Variants in PPP1R42 observed in about 807,000 individuals in gnomAD.
The protein encoded by PPP1R42 is leucine rich repeat containing 67.
PPP1R42 carries 34 observed loss-of-function variants against 31.0 expected under a neutral mutation model. That is an observed-to-expected ratio of 1.10 (90% confidence interval 0.83 to 1.46). PPP1R42 has a LOEUF of 1.46. PPP1R42 is among the 40% of genes most tolerant of loss of function. The probability of loss-of-function intolerance (pLI) is 0.00; values close to 1 mark genes in which losing one functional copy is unlikely to be tolerated. For synonymous variants in PPP1R42, 103 were observed against 109.8 expected, an observed-to-expected ratio of 0.94 and a Z score of 0.39; for missense variants, 268 against 303.0, an observed-to-expected ratio of 0.88 and a Z score of 0.86.
chr8:66,993,701 G>A (rs1007273167), intron 5 of PPP1R42, among the ~76,000 whole-genome samples: 3 of 152,160 alleles, frequency 2.0e-5, no homozygotes, highest in Non-Finnish European at 4.4e-5. Context: ...ATGACTATGT[G>A]CTTAATGTTT....
chr8:66,999,753 T>TG (rs1815430856), intron 5 of PPP1R42, among the ~76,000 whole-genome samples: 1 of 152,238 alleles, frequency 6.6e-6, no homozygotes, highest in Non-Finnish European at 1.5e-5. Context: ...TGGAGTTCTC[T>TG]TTGCGGTGAG....
Position 67,010,754 on chromosome 8 carries a change from A to T in PPP1R42, c.513T>A (p.Asn171Lys). The change falls in exon 5 of 8, where the codon AAT becomes AAA. Residue 171 changes from asparagine (N) to lysine (K), a missense_variant. Asn to Lys is a moderately conservative substitution (Grantham distance 94, BLOSUM62 0). Coordinates refer to ENST00000685739, the MANE Select transcript of PPP1R42 (RefSeq NM_001364910.1). ...GTTGGTTGTCAACGGCTATGAGCTG[A>T]TTAAGATTCTCTAGTAGTTCTAAGT... ...ITDLELLENL[N>K]QLIAVDNQLL... 19 of 1,608,442 alleles carry T rather than the reference A, an allele frequency of 1.2e-5. No homozygotes were observed. The highest frequency in any genetic ancestry group is 1.5e-5 in the Non-Finnish European group (18 of 1,177,472).
intron 6 of PPP1R42, chr8:66,985,532 A>G: frequency 7.8e-7 from 1 of 1,278,882 alleles, no homozygotes; most frequent in Non-Finnish European, 1.1e-6. Context: ...TGGAGATTAG[A>G]CGGGCCCACC....
chr8:66,984,547 C>G, intron 6 of PPP1R42: 1 of 1,242,830 alleles, frequency 8.0e-7, no homozygotes, highest in Non-Finnish European at 1.2e-6. Flanking sequence ...CTAACTCCAT[C>G]TCAATCTTGA....
At chr8:67,022,496 T>C (rs539555451) in intron 1 of PPP1R42, among the ~76,000 whole-genome samples, 1 of 152,302 alleles carries the variant, frequency 6.6e-6, no homozygotes, top group African/African-American at 2.4e-5. Context: ...CTTTTAATGG[T>C]ATCTTCTAAA....
At chr8:67,006,330 T>C (rs1253802548) in intron 5 of PPP1R42, among the ~76,000 whole-genome samples, 1 of 152,192 alleles carries the variant, frequency 6.6e-6, no homozygotes, top group Non-Finnish European at 1.5e-5. Context: ...TTTCAAAATC[T>C]TCTCTGCTTA....
chr8:66,981,894 T>A, intron 7 of PPP1R42, 155 bp downstream of exon 7: 1 of 705,160 alleles, frequency 1.4e-6, no homozygotes, highest in Non-Finnish European at 2.0e-6. Context: ...AAATTGTACT[T>A]ATGTACAACT....
chr8:66,982,894 A>C (rs1171799553), intron 6 of PPP1R42, among the ~76,000 whole-genome samples: 2 of 152,030 alleles, frequency 1.3e-5, no homozygotes, highest in African/African-American at 4.8e-5. Flanking sequence ...CTCTTGCCTT[A>C]ACCTCCCGAG....
At chr8:66,970,955 T>C in intron 7 of PPP1R42, 1 of 1,478,154 alleles carries the variant, frequency 6.8e-7, no homozygotes, top group Non-Finnish European at 9.1e-7. Flanking sequence ...AAAGATAAAG[T>C]CACATAAATA....
chr8:66,996,862 G>A (rs1348513770), intron 5 of PPP1R42, among the ~76,000 whole-genome samples: 1 of 152,076 alleles, frequency 6.6e-6, no homozygotes. Flanking sequence ...TGAAATATTG[G>A]AATTTTTGGC....
chr8:67,016,618 G>A (rs539884886), intron 2 of PPP1R42, among the ~76,000 whole-genome samples: 1 of 152,100 alleles, frequency 6.6e-6, no homozygotes, highest in South Asian at 2.1e-4. Context: ...TTTTTTTCTT[G>A]TGTGAATTTT....
intron 5 of PPP1R42, among the ~76,000 whole-genome samples, chr8:67,004,215 C>T (rs1329752078): frequency 2.0e-5 from 3 of 152,176 alleles, no homozygotes; most frequent in East Asian, 1.9e-4. Context: ...TGTATGAGGA[C>T]ACATCCCCTC....
intron 1 of PPP1R42, among the ~76,000 whole-genome samples, chr8:67,023,863 A>C (rs1816298609): frequency 6.6e-6 from 1 of 151,640 alleles, no homozygotes; most frequent in Non-Finnish European, 1.5e-5. Flanking sequence ...AGCCATACTC[A>C]GCTGGGCACC....
chr8:66,977,327 CCA>C (rs1244240387), intron 7 of PPP1R42, among the ~76,000 whole-genome samples: 1 of 149,538 alleles, frequency 6.7e-6, no homozygotes, highest in African/African-American at 2.5e-5. Context: ...GCCATCGCGC[CCA>C]CCCTTGCTTT....
rs199932826 is a variant in PPP1R42 at position 67,014,548 on chromosome 8, A to G, written c.174T>C (p.Tyr58=). 1.9e-6 allele frequency: 3 copies of G among 1,548,196 alleles called. No homozygotes were observed. Among genetic ancestry groups the G allele is most frequent in the East Asian group, 4.6e-5 (2 of 43,406 alleles). The change falls in exon 3 of 8, where the codon TAT becomes TAC. Residue 58 remains tyrosine (Y), a synonymous_variant. Coordinates refer to ENST00000685739, the MANE Select transcript of PPP1R42 (RefSeq NM_001364910.1). ...TAGTGATTTGACTAATACAATTATC[A>G]TATAAATATAAAACACTAAGATTTT... The part of the protein sequence containing the change: ...LCKNLSVLYL[Y]DNCISQITNL...
rs765199023 is a variant in PPP1R42, at chr8:67,017,722, A to G, written c.26T>C (p.Ile9Thr). 1 of 1,599,622 alleles carries G rather than the reference A, an allele frequency of 6.3e-7. No homozygotes were observed. The highest frequency in any genetic ancestry group is 8.5e-7 in the Non-Finnish European group (1 of 1,173,434). MVRLTLDLIARNSNLKPRK... is the reference protein window; with the variant it reads MVRLTLDLTARNSNLKPRK... ...GGGTTTAAGATTGCTGTTTCTGGCA[A>G]TTAGATCCAAGGTCAGTCGAACCAT... Residue 9 changes from isoleucine to threonine, a missense_variant, in exon 2 of 8, where the codon ATT (isoleucine) becomes ACT (threonine). Coordinates refer to ENST00000685739, the MANE Select transcript of PPP1R42 (RefSeq NM_001364910.1).
At chr8:67,014,989 GT>G (rs1378378440) in intron 2 of PPP1R42, among the ~76,000 whole-genome samples, 1 of 152,072 alleles carries the variant, frequency 6.6e-6, no homozygotes, top group Admixed American at 6.6e-5. Context: ...AAAACTGGGA[GT>G]CATCTAGATA....
chr8:66,986,435 A>C (rs946284378), intron 6 of PPP1R42, among the ~76,000 whole-genome samples: 1 of 152,172 alleles, frequency 6.6e-6, no homozygotes, highest in African/African-American at 2.4e-5. Flanking sequence ...CCGAAAGTTA[A>C]ACCGGAACCA....
intron 6 of PPP1R42, chr8:66,986,204 T>G: frequency 1.8e-6 from 1 of 569,732 alleles, no homozygotes; most frequent in Non-Finnish European, 3.3e-6. Flanking sequence ...CCTCCCAAAT[T>G]GCTGGGATTA....
Sources: gnomAD v4.1 joint callset for allele counts (sites outside exome capture counted in the v4.1 genomes callset) on GRCh38, gnomAD v4.1.1 for gene constraint, MANE v1.5 for transcripts, NCBI Gene and HGNC (gene_info 2026-07-23, HGNC 2026-07-21) for gene names.